Variants in GPC6 observed in about 807,000 individuals in gnomAD.
GPC6 encodes the protein glypican-6.
Under a neutral mutation model 55.2 loss-of-function variants are expected in GPC6, and 14 were observed. That is an observed-to-expected ratio of 0.25 (90% confidence interval 0.17 to 0.40). The LOEUF is 0.40. Ranked by LOEUF, GPC6 falls within the 10% of genes least tolerant of loss-of-function variation. The pLI, the probability that GPC6 is intolerant of heterozygous loss-of-function variation, is 1.00. For missense variants in GPC6, 641 were observed against 708.5 expected (o/e 0.90, Z 1.08); for synonymous variants, 278 against 259.6 (o/e 1.07, Z -0.68).
At chr13:94,306,744 A>C (rs1291067366) in intron 6 of GPC6, among the ~76,000 whole-genome samples, 2 of 152,310 alleles carry the variant, frequency 1.3e-5, no homozygotes, top group Middle Eastern at 3.4e-3. Context: ...TAGTAAATAC[A>C]ATTTTTAAAT....
chr13:93,597,961 T>C (rs1594299400), intron 2 of GPC6, among the ~76,000 whole-genome samples: 1 of 151,988 alleles, frequency 6.6e-6, no homozygotes, highest in Admixed American at 6.6e-5. Flanking sequence ...CTGTCCAACA[T>C]GGTGAAACCC....
At chr13:93,922,117 C>T (rs747404568) in intron 3 of GPC6, among the ~76,000 whole-genome samples, 8 of 151,964 alleles carry the variant, frequency 5.3e-5, no homozygotes, top group South Asian at 2.1e-4. Flanking sequence ...GAAAGAGGGT[C>T]GTGATAGTGA....
intron 1 of GPC6, among the ~76,000 whole-genome samples, chr13:93,513,171 G>T (rs1221112902): frequency 6.6e-6 from 1 of 152,096 alleles, no homozygotes; most frequent in Non-Finnish European, 1.5e-5. Flanking sequence ...GAATCAAGCG[G>T]GAGTAAGATG....
chr13:93,349,716 G>A (rs1351243773), intron 1 of GPC6, among the ~76,000 whole-genome samples: 1 of 151,958 alleles, frequency 6.6e-6, no homozygotes, highest in African/African-American at 2.4e-5. Context: ...AGTGAGTTTT[G>A]GCTTTCTTTC....
chr13:93,448,382 G>A (rs1345364164), intron 1 of GPC6, among the ~76,000 whole-genome samples: 1 of 152,168 alleles, frequency 6.6e-6, no homozygotes, highest in Non-Finnish European at 1.5e-5. Flanking sequence ...CTAGGTTTAT[G>A]TAAGTACACT....
At chr13:94,042,181 C>G (rs1883564002) in intron 4 of GPC6, among the ~76,000 whole-genome samples, 1 of 151,760 alleles carries the variant, frequency 6.6e-6, no homozygotes, top group Non-Finnish European at 1.5e-5. Context: ...CTTCCTCCTA[C>G]TCTAGCCATG....
chr13:93,375,135 C>T (rs1874832609), intron 1 of GPC6, among the ~76,000 whole-genome samples: 2 of 152,128 alleles, frequency 1.3e-5, no homozygotes, highest in African/African-American at 4.8e-5. Flanking sequence ...TGGTATCAGG[C>T]CTAATTAATT....
chr13:93,998,635 T>C (rs904838966), intron 3 of GPC6, among the ~76,000 whole-genome samples: 3 of 152,172 alleles, frequency 2.0e-5, no homozygotes, highest in Admixed American at 2.0e-4. Flanking sequence ...TTGAGGTCAA[T>C]AGTTACTATT....
intron 6 of GPC6, among the ~76,000 whole-genome samples, chr13:94,344,932 T>A (rs1878215724): frequency 6.6e-6 from 1 of 152,228 alleles, no homozygotes; most frequent in Non-Finnish European, 1.5e-5. Flanking sequence ...ATTAAAGTTG[T>A]TCCTGTTTTA....
In GPC6 at chr13:94,327,151, G is replaced by A. The variant is rs561158821; in HGVS notation, c.1152+21028G>A. ...TTTTTCTCCACATGTATGATTTCATGCATAATTTTAAAAATAAGGGCCACT... is the reference window on the plus strand; with the variant it reads ...TTTTTCTCCACATGTATGATTTCATACATAATTTTAAAAATAAGGGCCACT... On this transcript the variant is annotated intron_variant, in intron 6 of 8. Coordinates refer to ENST00000377047, the MANE Select transcript of GPC6 (RefSeq NM_005708.5). Among the ~76,000 whole-genome samples, 6 of 152,252 alleles carry A rather than the reference G, an allele frequency of 3.9e-5. No individual in the cohort carries two copies. The South Asian group carries it at 6.2e-4, about 16-fold the overall frequency.
At chr13:93,994,615 G>A (rs1274363402) in intron 3 of GPC6, among the ~76,000 whole-genome samples, 1 of 152,164 alleles carries the variant, frequency 6.6e-6, no homozygotes, top group African/African-American at 2.4e-5. Flanking sequence ...CCACAAGCCA[G>A]GAAAGCATGA....
intron 2 of GPC6, among the ~76,000 whole-genome samples, chr13:93,730,696 A>T (rs771793421): frequency 3.9e-5 from 6 of 152,208 alleles, no homozygotes; most frequent in African/African-American, 7.2e-5. Flanking sequence ...AGTTAATTAT[A>T]TTGCTCACTA....
rs373131926 is a variant in GPC6, at chr13:93,939,374, C to T, written c.712-88355C>T. 6.6e-5 allele frequency among the ~76,000 whole-genome samples: 10 copies of T among 150,606 alleles called. No homozygotes were observed. In the East Asian group the frequency reaches 1.8e-3, roughly 27 times the overall value. Reference sequence around the variant, plus strand: ...GCGGAGCTTGCAGTGAGCCGAGATGCGCCACTGCACTCCAGCCTGGGCGAC... The same window carrying T: ...GCGGAGCTTGCAGTGAGCCGAGATGTGCCACTGCACTCCAGCCTGGGCGAC... On this transcript the variant is annotated intron_variant, in intron 3 of 8. Transcript: ENST00000377047.
chr13:94,249,272 C>A (rs1891282502), intron 4 of GPC6, among the ~76,000 whole-genome samples: 1 of 152,110 alleles, frequency 6.6e-6, no homozygotes, highest in African/African-American at 2.4e-5. Flanking sequence ...AGGCTGATAA[C>A]AATAGAGTGT....
At chr13:93,307,084 T>C (rs1878884715) in intron 1 of GPC6, among the ~76,000 whole-genome samples, 1 of 152,148 alleles carries the variant, frequency 6.6e-6, no homozygotes, top group Non-Finnish European at 1.5e-5. Context: ...GTGAAAGAGG[T>C]ATCCTAGTTT....
chr13:93,836,332 A>G lies in GPC6; in HGVS notation c.711+5787A>G, dbSNP rs1887730322. On this transcript the variant is annotated intron_variant, in intron 3 of 8. Coordinates refer to ENST00000377047, the MANE Select transcript of GPC6 (RefSeq NM_005708.5). ...CAATTTACAAGAGAAATTGTATTCT[A>G]TTTAGCGTTTGCTTTTGAGAAAGAA... Among the ~76,000 whole-genome samples the G allele has an allele frequency of 2.6e-5, 4 of 152,208 alleles. No individual in the cohort carries two copies. In the South Asian group the frequency reaches 8.3e-4, roughly 32 times the overall value.
chr13:93,817,264 T>A (rs1489339215), intron 2 of GPC6, among the ~76,000 whole-genome samples: 1 of 152,246 alleles, frequency 6.6e-6, no homozygotes, highest in Non-Finnish European at 1.5e-5. Flanking sequence ...GAATAGTAGC[T>A]GACTGATAGT....
At chr13:94,339,322 C>G (rs972829947) in intron 6 of GPC6, among the ~76,000 whole-genome samples, 1 of 152,130 alleles carries the variant, frequency 6.6e-6, no homozygotes, top group Admixed American at 6.5e-5. Context: ...CCTCCGCCTC[C>G]CAAAGTGCTG....
intron 4 of GPC6, among the ~76,000 whole-genome samples, chr13:94,062,395 C>A (rs1884362898): frequency 6.6e-6 from 1 of 152,084 alleles, no homozygotes; most frequent in Non-Finnish European, 1.5e-5. Flanking sequence ...TGACTACAGG[C>A]ATGTGCCACC....
Sources: allele counts gnomAD v4.1 joint callset (sites outside exome capture counted in the v4.1 genomes callset), GRCh38; gene constraint gnomAD v4.1.1; transcripts MANE v1.5; gene names NCBI Gene and HGNC (gene_info 2026-07-23, HGNC 2026-07-21).